SLC44A5: variants seen among roughly 807,000 people sequenced by gnomAD.
The protein encoded by SLC44A5 is choline transporter-like protein 5.
A neutral mutation model predicts 101.8 loss-of-function variants in SLC44A5; 57 were observed. That is an observed-to-expected ratio of 0.56 (90% CI 0.45 to 0.70). The LOEUF (loss-of-function observed/expected upper bound fraction) is 0.70. Among genes scored for constraint, SLC44A5 ranks in the 30% least tolerant of loss-of-function variants. The pLI is 0.00. For synonymous variants in SLC44A5, 281 were observed against 290.9 expected, an observed-to-expected ratio of 0.97 and a Z score of 0.35; for missense variants, 737 against 853.1, an observed-to-expected ratio of 0.86 and a Z score of 1.70.
At chr1:75,267,383 T>C (rs1171167417) in intron 6 of SLC44A5, among the ~76,000 whole-genome samples, 1 of 152,158 alleles carries the variant, frequency 6.6e-6, no homozygotes, top group African/African-American at 2.4e-5. Context: ...TGTCTCAGCA[T>C]ATTTACTTCT....
intron 2 of SLC44A5, among the ~76,000 whole-genome samples, chr1:75,409,350 G>C (rs1663120686): frequency 6.6e-6 from 1 of 152,046 alleles, no homozygotes; most frequent in African/African-American, 2.4e-5. Context: ...GTTCAATAGA[G>C]GCCTAAAGCC....
At chr1:75,523,096 A>G (rs1374195613) in intron 2 of SLC44A5, among the ~76,000 whole-genome samples, 2 of 152,108 alleles carry the variant, frequency 1.3e-5, no homozygotes, top group Admixed American at 1.3e-4. Flanking sequence ...CCCATTTACA[A>G]ATGATAAAAC....
chr1:75,257,019 A>G (rs1233845706), intron 6 of SLC44A5, among the ~76,000 whole-genome samples: 2 of 152,318 alleles, frequency 1.3e-5, no homozygotes, highest in Middle Eastern at 3.4e-3. Flanking sequence ...CAACTGCCAG[A>G]AGAACTAAAA....
At chr1:75,455,313 T>C (rs1375799279) in intron 2 of SLC44A5, among the ~76,000 whole-genome samples, 1 of 152,202 alleles carries the variant, frequency 6.6e-6, no homozygotes, top group Non-Finnish European at 1.5e-5. Flanking sequence ...GCTAGCCATG[T>C]GCAGAAGAGT....
the SLC44A5 span, among the ~76,000 whole-genome samples, chr1:75,718,705 TA>T: frequency 6.6e-6 from 1 of 152,186 alleles, no homozygotes; most frequent in Non-Finnish European, 1.5e-5. Context: ...CTGGATACCA[TA>T]GTACCTGACA....
intron 1 of SLC44A5, chr1:75,582,080 G>A (rs891727508): frequency 1.1e-5 from 8 of 708,550 alleles, no homozygotes; most frequent in East Asian, 2.6e-5. Context: ...CAGGAGCCAC[G>A]GGTTACAGTG....
intron 2 of SLC44A5, among the ~76,000 whole-genome samples, chr1:75,430,902 T>A (rs1664578232): frequency 6.6e-6 from 1 of 152,184 alleles, no homozygotes; most frequent in South Asian, 2.1e-4. Flanking sequence ...CCACCACCTC[T>A]CTTGTAACTT....
chr1:75,649,630 C>T, the SLC44A5 span, among the ~76,000 whole-genome samples: 1 of 152,096 alleles, frequency 6.6e-6, no homozygotes, highest in South Asian at 2.1e-4. Context: ...AAATCTTTAG[C>T]AGAATGGTCA....
At chr1:75,634,116 G>A in the SLC44A5 span, among the ~76,000 whole-genome samples, 5 of 152,210 alleles carry the variant, frequency 3.3e-5, no homozygotes, top group Middle Eastern at 3.4e-3. Context: ...TGCTGGATTC[G>A]CTTTGCCAGT....
In SLC44A5 at chr1:75,435,513, T is replaced by C. The variant is rs369386025; in HGVS notation, c.14-38892A>G. Reference sequence around the variant, plus strand: ...AGATTTTTATACACCAAAAGGATACTCCAAGAGTGACTATTCTCCACACCT... The same window carrying C: ...AGATTTTTATACACCAAAAGGATACCCCAAGAGTGACTATTCTCCACACCT... On this transcript the variant is annotated intron_variant, in intron 2 of 23. Coordinates refer to ENST00000370859, the MANE Select transcript of SLC44A5 (RefSeq NM_001130058.2). 1.4e-4 allele frequency among the ~76,000 whole-genome samples: 22 copies of C among 152,066 alleles called. 1 individual carries two copies. Among genetic ancestry groups the C allele is most frequent in the East Asian group, 1.4e-3 (7 of 5,162 alleles).
At chr1:75,679,584 G>A in the SLC44A5 span, among the ~76,000 whole-genome samples, 1 of 151,510 alleles carries the variant, frequency 6.6e-6, no homozygotes, top group Non-Finnish European at 1.5e-5. Context: ...TCACCACCAG[G>A]CCTGCCCTAA....
At chr1:75,384,334 T>C (rs1661139913) in intron 3 of SLC44A5, among the ~76,000 whole-genome samples, 1 of 147,954 alleles carries the variant, frequency 6.8e-6, no homozygotes, top group Non-Finnish European at 1.5e-5. Context: ...GAGACACACA[T>C]AGGCTCAAAA....
chr1:75,285,007 G>T (rs1304519639), intron 5 of SLC44A5, among the ~76,000 whole-genome samples: 1 of 152,016 alleles, frequency 6.6e-6, no homozygotes, highest in Admixed American at 6.6e-5. Flanking sequence ...TTTGGCATTA[G>T]GGTGATACTG....
At chr1:75,558,638 C>G (rs1055623165) in intron 1 of SLC44A5, among the ~76,000 whole-genome samples, 2 of 152,062 alleles carry the variant, frequency 1.3e-5, no homozygotes, top group African/African-American at 4.8e-5. Context: ...TACAGAACTA[C>G]AGGAAATGAA....
chr1:75,350,485 A>G (rs1437316441), intron 3 of SLC44A5, among the ~76,000 whole-genome samples: 1 of 151,440 alleles, frequency 6.6e-6, no homozygotes, highest in African/African-American at 2.4e-5. Flanking sequence ...GTTTATTTAC[A>G]ATTACATTCA....
At chr1:75,478,150 C>T (rs1440084022) in intron 2 of SLC44A5, among the ~76,000 whole-genome samples, 3 of 152,128 alleles carry the variant, frequency 2.0e-5, no homozygotes, top group African/African-American at 7.2e-5. Flanking sequence ...TCCAGCCAAA[C>T]TAAGCTTCAT....
intron 3 of SLC44A5, among the ~76,000 whole-genome samples, chr1:75,362,846 G>C (rs531222641): frequency 6.6e-6 from 1 of 151,928 alleles, no homozygotes; most frequent in Non-Finnish European, 1.5e-5. Flanking sequence ...ATAAGTCCAC[G>C]CGAGTATAAG....
the SLC44A5 span, among the ~76,000 whole-genome samples, chr1:75,640,982 G>C: frequency 7.9e-3 from 1,208 of 152,150 alleles, 33 homozygotes; most frequent in Admixed American, 0.057. Context: ...AGAACTTCAT[G>C]TGAACTATGA....
At chr1:75,722,126 A>AAC in the SLC44A5 span, among the ~76,000 whole-genome samples, 1 of 152,176 alleles carries the variant, frequency 6.6e-6, no homozygotes, top group Non-Finnish European at 1.5e-5. Context: ...CAACAACCAA[A>AAC]ACACACACAC....
Sources: gnomAD v4.1 joint callset for allele counts (sites outside exome capture counted in the v4.1 genomes callset) on GRCh38, gnomAD v4.1.1 for gene constraint, MANE v1.5 for transcripts, NCBI Gene and HGNC (gene_info 2026-07-23, HGNC 2026-07-21) for gene names.